The following KRABD2 variants were observed in gnomAD, a reference collection of about 807,000 sequenced individuals.
KRABD2 encodes the protein KRAB domain-containing protein 2.
At chr17:8,372,034 C>T in the KRABD2 span, 1 of 985,462 alleles carries the variant, frequency 1.0e-6, no homozygotes, top group Non-Finnish European at 1.2e-6. This position sits in a 1 kb window ranked among gnomAD's most constrained non-coding sequence, Gnocchi z 4.1. Flanking sequence ...AAAACAGGAT[C>T]CCGAGATCCC....
At chr17:8,368,886 CTTG>C in the KRABD2 span, 6 of 507,266 alleles carry the variant, frequency 1.2e-5, no homozygotes, top group Non-Finnish European at 1.7e-5. Context: ...ACCCGCCCAC[CTTG>C]GCCTACCAAA....
chr17:8,359,483 G>A, the KRABD2 span: 1 of 419,572 alleles, frequency 2.4e-6, no homozygotes, highest in Non-Finnish European at 4.7e-6. Context: ...TCTGCATTTA[G>A]CAGTCTCTTT....
At chr17:8,369,434 C>T in the KRABD2 span, 2 of 1,614,182 alleles carry the variant, frequency 1.2e-6, no homozygotes, top group South Asian at 1.1e-5. Flanking sequence ...GATTCCTCAC[C>T]ATCTGCATGA....
the KRABD2 span, chr17:8,368,806 T>G: frequency 4.4e-6 from 1 of 225,294 alleles, no homozygotes; most frequent in Non-Finnish European, 8.7e-6. Context: ...CTGGCTAATT[T>G]CTATATTTTC....
At chr17:8,363,818 ATATATAT>A in the KRABD2 span, among the ~76,000 whole-genome samples, 3 of 111,042 alleles carry the variant, frequency 2.7e-5, no homozygotes, top group African/African-American at 1.2e-4. Context: ...TATCATACAT[ATATATAT>A]CATACATATA....
chr17:8,362,294 C>T, the KRABD2 span, among the ~76,000 whole-genome samples: 1 of 151,548 alleles, frequency 6.6e-6, no homozygotes, highest in Non-Finnish European at 1.5e-5. The surrounding 1 kb of genome is among the most constrained non-coding windows in gnomAD (Gnocchi z 4.2). Flanking sequence ...TGCGCCACTG[C>T]ACTCCAGCCT....
chr17:8,370,471 C>A, the KRABD2 span: 3 of 865,300 alleles, frequency 3.5e-6, no homozygotes, highest in South Asian at 1.8e-5. Flanking sequence ...CTCATCAATT[C>A]TTTCATCTAA....
At chr17:8,372,706 GGTT>G in the KRABD2 span, among the ~76,000 whole-genome samples, 3 of 152,220 alleles carry the variant, frequency 2.0e-5, no homozygotes, top group African/African-American at 7.2e-5. The surrounding 1 kb of genome is among the most constrained non-coding windows in gnomAD (Gnocchi z 4.1). Context: ...GTGCTGTGTT[GGTT>G]GTTATTTGAG....
At chr17:8,363,377 A>T in the KRABD2 span, among the ~76,000 whole-genome samples, 1 of 152,028 alleles carries the variant, frequency 6.6e-6, no homozygotes, top group Non-Finnish European at 1.5e-5. Context: ...TTTGAGAGGG[A>T]GTCTCACTCT....
the KRABD2 span, among the ~76,000 whole-genome samples, chr17:8,372,310 ATG>A: frequency 6.6e-6 from 1 of 152,222 alleles, no homozygotes; most frequent in Admixed American, 6.5e-5. This position sits in a 1 kb window ranked among gnomAD's most constrained non-coding sequence, Gnocchi z 4.1. Flanking sequence ...TATTAAATGA[ATG>A]TATTGATAAG....
chr17:8,376,678 A>C, the KRABD2 span: 2 of 983,646 alleles, frequency 2.0e-6, no homozygotes, highest in Non-Finnish European at 2.4e-6. Context: ...ATCCCCCTCC[A>C]CCCAGAGGCC....
At chr17:8,362,706 C>T in the KRABD2 span, among the ~76,000 whole-genome samples, 3 of 152,196 alleles carry the variant, frequency 2.0e-5, no homozygotes, top group African/African-American at 7.2e-5. The surrounding 1 kb of genome is among the most constrained non-coding windows in gnomAD (Gnocchi z 4.2). Flanking sequence ...TAAGATGGCT[C>T]ACTCACATGG....
At chr17:8,364,694 A>G in the KRABD2 span, among the ~76,000 whole-genome samples, 1 of 152,022 alleles carries the variant, frequency 6.6e-6, no homozygotes, top group Non-Finnish European at 1.5e-5. The surrounding 1 kb of genome is among the most constrained non-coding windows in gnomAD (Gnocchi z 4.4). Context: ...CCAGATTTTT[A>G]TATGAACTCT....
At chr17:8,368,826 AG>A in the KRABD2 span, 1 of 278,258 alleles carries the variant, frequency 3.6e-6, no homozygotes, top group Non-Finnish European at 6.7e-6. Context: ...CAGTAGAGAC[AG>A]GGTTTCATCA....
the KRABD2 span, chr17:8,369,909 C>T: frequency 1.9e-5 from 30 of 1,614,188 alleles, no homozygotes; most frequent in East Asian, 3.1e-4. Context: ...GCACTGTTTA[C>T]ACAGAGTCAG....
the KRABD2 span, among the ~76,000 whole-genome samples, chr17:8,360,908 A>G: frequency 3.3e-5 from 5 of 152,186 alleles, no homozygotes; most frequent in Non-Finnish European, 5.9e-5. Context: ...CTGTTGTACT[A>G]ATGTCCAGAA....
the KRABD2 span, chr17:8,376,283 GCTGACTCTTATCATTTA>G: frequency 1.6e-6 from 2 of 1,228,434 alleles, no homozygotes; most frequent in Non-Finnish European, 2.0e-6. Context: ...GAATTCATTT[GCTGACTCTTATCATTTA>G]CTGACTAAAG....
the KRABD2 span, among the ~76,000 whole-genome samples, chr17:8,374,090 G>T: frequency 3.9e-5 from 6 of 151,938 alleles, no homozygotes; most frequent in Admixed American, 3.9e-4. Context: ...GAAGTGAGGG[G>T]CCCCTCTGCC....
chr17:8,375,812 T>C, the KRABD2 span: 1 of 906,238 alleles, frequency 1.1e-6, no homozygotes, highest in African/African-American at 1.7e-5. Flanking sequence ...AGCTTCTTGG[T>C]GTGATCTATG....
Sources: allele counts gnomAD v4.1 joint callset (sites outside exome capture counted in the v4.1 genomes callset), GRCh38; gene constraint gnomAD v4.1.1; non-coding constraint Gnocchi (gnomAD v3.1); transcripts MANE v1.5; gene names NCBI Gene and HGNC (gene_info 2026-07-23, HGNC 2026-07-21).